Variants in TRPC4 observed in about 807,000 individuals in gnomAD.
TRPC4 encodes the protein short transient receptor potential channel 4.
In TRPC4, 49 loss-of-function variants were observed where a neutral mutation model predicts 99.4. That is an observed-to-expected ratio of 0.49 (90% confidence interval 0.39 to 0.63). TRPC4 has a LOEUF of 0.63. Among genes scored for constraint, TRPC4 ranks in the 20% least tolerant of loss-of-function variants. The pLI is 0.00. For missense variants in TRPC4, 898 were observed against 1,152.9 expected (o/e 0.78, Z 3.20); for synonymous variants, 454 against 425.9 (o/e 1.07, Z -0.81).
intron 1 of TRPC4, among the ~76,000 whole-genome samples, chr13:37,812,834 A>C (rs922282452): frequency 6.6e-6 from 1 of 152,252 alleles, no homozygotes; most frequent in East Asian, 1.9e-4. Flanking sequence ...ATTTCTTAAA[A>C]TCATAGACAA....
intron 1 of TRPC4, among the ~76,000 whole-genome samples, chr13:37,804,280 C>T (rs936420134): frequency 6.6e-6 from 1 of 152,038 alleles, no homozygotes; most frequent in Non-Finnish European, 1.5e-5. Flanking sequence ...GAGGACATAA[C>T]ATTATTGTAA....
At chr13:37,852,888 G>C (rs749490575) in intron 1 of TRPC4, among the ~76,000 whole-genome samples, 5 of 152,150 alleles carry the variant, frequency 3.3e-5, no homozygotes, top group Non-Finnish European at 7.3e-5. Context: ...CTGTGAAAAG[G>C]AGAAGGAAGA....
chr13:37,707,222 T>C (rs544078811), intron 3 of TRPC4, among the ~76,000 whole-genome samples: 1 of 152,298 alleles, frequency 6.6e-6, no homozygotes, highest in African/African-American at 2.4e-5. Context: ...CATATAAAAT[T>C]TGAAACATTG....
intron 2 of TRPC4, among the ~76,000 whole-genome samples, chr13:37,752,982 A>T (rs1955976955): frequency 6.6e-6 from 1 of 151,732 alleles, no homozygotes; most frequent in South Asian, 2.1e-4. Context: ...CCCTCCACAC[A>T]CACACACACG....
At chr13:37,689,783 T>G (rs1469131807) in intron 4 of TRPC4, among the ~76,000 whole-genome samples, 2 of 152,210 alleles carry the variant, frequency 1.3e-5, no homozygotes, top group Non-Finnish European at 2.9e-5. Flanking sequence ...AGGTTGGACC[T>G]CCTATTTTTT....
chr13:37,804,588 T>C (rs1472607776), intron 1 of TRPC4, among the ~76,000 whole-genome samples: 1 of 152,138 alleles, frequency 6.6e-6, no homozygotes, highest in Admixed American at 6.6e-5. Flanking sequence ...AGTATTATTT[T>C]CATGTCTCAC....
intron 1 of TRPC4, among the ~76,000 whole-genome samples, chr13:37,798,108 T>C (rs978974434): frequency 6.6e-6 from 1 of 152,184 alleles, no homozygotes; most frequent in Non-Finnish European, 1.5e-5. Context: ...TTCACATAAA[T>C]AGCATAGTGT....
intron 1 of TRPC4, among the ~76,000 whole-genome samples, chr13:37,796,828 C>G (rs9532119): frequency 6.6e-6 from 1 of 151,314 alleles, no homozygotes; most frequent in East Asian, 1.9e-4. Flanking sequence ...GTCAGTGGCT[C>G]ATGCCTGTAA....
intron 1 of TRPC4, among the ~76,000 whole-genome samples, chr13:37,841,444 A>G (rs1331849510): frequency 1.3e-5 from 2 of 152,048 alleles, no homozygotes; most frequent in Non-Finnish European, 2.9e-5. Context: ...AAACATTTCT[A>G]GTTAAGAGGA....
intron 3 of TRPC4, among the ~76,000 whole-genome samples, chr13:37,727,414 CAAGGATAGCAG>C (rs1316919805): frequency 6.6e-6 from 1 of 151,676 alleles, no homozygotes; most frequent in East Asian, 1.9e-4. Flanking sequence ...TTATGAGACA[CAAGGATAGCAG>C]AGCTAAGGGG....
At chr13:37,687,098 G>A (rs566258320) in intron 4 of TRPC4, among the ~76,000 whole-genome samples, 1 of 151,868 alleles carries the variant, frequency 6.6e-6, no homozygotes, top group Non-Finnish European at 1.5e-5. Flanking sequence ...CCGAGTAGCT[G>A]GGACTACATG....
intron 8 of TRPC4, among the ~76,000 whole-genome samples, chr13:37,649,507 G>T (rs937591502): frequency 7.2e-5 from 11 of 151,938 alleles, no homozygotes; most frequent in Admixed American, 1.3e-4. Flanking sequence ...GGCTGAGGTG[G>T]GCAGATTACG....
chr13:37,727,624 T>C (rs1955106372), intron 3 of TRPC4, among the ~76,000 whole-genome samples: 1 of 151,996 alleles, frequency 6.6e-6, no homozygotes, highest in South Asian at 2.1e-4. Flanking sequence ...AAAAGCTGGT[T>C]CTTCAAAATG....
intron 3 of TRPC4, among the ~76,000 whole-genome samples, chr13:37,736,880 C>T (rs528228928): frequency 1.9e-4 from 28 of 150,468 alleles, no homozygotes; most frequent in South Asian, 8.5e-4. Flanking sequence ...AGACACACAC[C>T]ACTATGCCTG....
At chr13:37,767,922 TAA>T (rs1239597065) in intron 2 of TRPC4, among the ~76,000 whole-genome samples, 1 of 151,372 alleles carries the variant, frequency 6.6e-6, no homozygotes, top group East Asian at 1.9e-4. Flanking sequence ...CTGGTATTCT[TAA>T]GTTTGCAAAT....
chr13:37,812,910 G>A (rs866260945), intron 1 of TRPC4, among the ~76,000 whole-genome samples: 48 of 151,590 alleles, frequency 3.2e-4, no homozygotes, highest in African/African-American at 1.1e-3. Flanking sequence ...GACATGCCAC[G>A]TAAAGAGAAA....
intron 1 of TRPC4, among the ~76,000 whole-genome samples, chr13:37,829,533 A>T (rs558703469): frequency 3.3e-5 from 5 of 152,348 alleles, no homozygotes; most frequent in African/African-American, 1.2e-4. Flanking sequence ...TGCTGGTTGG[A>T]TTGGGAACCA....
chr13:37,694,414 A>C (rs1248928643), intron 3 of TRPC4, among the ~76,000 whole-genome samples: 1 of 152,168 alleles, frequency 6.6e-6, no homozygotes, highest in African/African-American at 2.4e-5. Context: ...CTTGGATTCA[A>C]ACTCTGTTCT....
intron 5 of TRPC4, among the ~76,000 whole-genome samples, chr13:37,667,202 C>T (rs1043096813): frequency 1.3e-5 from 2 of 152,192 alleles, no homozygotes; most frequent in African/African-American, 4.8e-5. Context: ...TCACTACCCT[C>T]ACTGTTTTAA....
Sources: gnomAD v4.1 joint callset for allele counts (sites outside exome capture counted in the v4.1 genomes callset) on GRCh38, gnomAD v4.1.1 for gene constraint, MANE v1.5 for transcripts, NCBI Gene and HGNC (gene_info 2026-07-23, HGNC 2026-07-21) for gene names.